Variants in NEDD4L observed in about 807,000 individuals in gnomAD.
NEDD4L encodes the protein NEDD4 like E3 ubiquitin protein ligase.
In NEDD4L, 54 loss-of-function variants were observed where a neutral mutation model predicts 148.9. That is an observed-to-expected ratio of 0.36 (90% CI 0.29 to 0.45). The LOEUF is 0.45. Ranked by LOEUF, NEDD4L falls within the 20% of genes least tolerant of loss-of-function variation. NEDD4L has a pLI of 1.00. For missense variants in NEDD4L, 856 were observed against 1,233.8 expected (o/e 0.69, Z 4.59); for synonymous variants, 433 against 440.7 (o/e 0.98, Z 0.22).
rs73959499 is a variant in NEDD4L at position 58,132,782 on chromosome 18, A to T, written c.49-33006A>T. Among the ~76,000 whole-genome samples the T allele has an allele frequency of 9.3e-3, 1,416 of 152,174 alleles. 24 individuals carry two copies. Among genetic ancestry groups the T allele is most frequent in the African/African-American group, 0.032 (1,319 of 41,500 alleles). On this transcript the variant is annotated intron_variant, in intron 1 of 30. Transcript: ENST00000400345. Reference sequence around the variant, plus strand: ...TTTTTTGTTTTTTTAAGGGGATGAGAGTGTGTGTGATAGAGTTCATGACAA... The same window carrying T: ...TTTTTTGTTTTTTTAAGGGGATGAGTGTGTGTGTGATAGAGTTCATGACAA...
intron 1 of NEDD4L, among the ~76,000 whole-genome samples, chr18:58,114,389 T>G (rs886255816): frequency 2.0e-4 from 31 of 152,018 alleles, no homozygotes; most frequent in African/African-American, 7.5e-4. Flanking sequence ...TACACACATA[T>G]AAAGTAAAAA....
chr18:58,121,106 T>G (rs981877428), intron 1 of NEDD4L, among the ~76,000 whole-genome samples: 1 of 152,174 alleles, frequency 6.6e-6, no homozygotes, highest in Non-Finnish European at 1.5e-5. Context: ...TCTTCTCTTT[T>G]TTTTGGTGGG....
intron 5 of NEDD4L, among the ~76,000 whole-genome samples, chr18:58,292,529 C>T (rs1453793444): frequency 2.0e-5 from 3 of 152,204 alleles, no homozygotes; most frequent in Non-Finnish European, 4.4e-5. Flanking sequence ...GTCATGATCT[C>T]GCTCCTCTAC....
At chr18:58,163,336 A>G (rs1343261381) in intron 1 of NEDD4L, among the ~76,000 whole-genome samples, 1 of 152,212 alleles carries the variant, frequency 6.6e-6, no homozygotes, top group Non-Finnish European at 1.5e-5. Context: ...TTGTTGTGAG[A>G]ACCAGAAAAG....
chr18:58,290,912 C>T (rs2054621845), intron 5 of NEDD4L, among the ~76,000 whole-genome samples: 1 of 152,202 alleles, frequency 6.6e-6, no homozygotes, highest in Non-Finnish European at 1.5e-5. Context: ...ATCTTAGTGG[C>T]TTAACACATT....
At chr18:58,219,619 A>AT (rs2147897328) in intron 2 of NEDD4L, among the ~76,000 whole-genome samples, 1 of 114,016 alleles carries the variant, frequency 8.8e-6, no homozygotes, top group South Asian at 2.8e-4. Flanking sequence ...TTCCCAGGTC[A>AT]TTTGTGTACC....
At chr18:58,348,555 C>T (rs2043431942) in intron 16 of NEDD4L, among the ~76,000 whole-genome samples, 1 of 152,036 alleles carries the variant, frequency 6.6e-6, no homozygotes, top group African/African-American at 2.4e-5. Context: ...TCTCAAACTC[C>T]TGACCTCCTC....
chr18:58,132,839 T>A (rs2032344973), intron 1 of NEDD4L, among the ~76,000 whole-genome samples: 1 of 152,158 alleles, frequency 6.6e-6, no homozygotes, highest in Admixed American at 6.5e-5. Flanking sequence ...CAAAACAAAG[T>A]TCAAATGCAA....
chr18:58,292,092 C>A (rs2054839091), intron 5 of NEDD4L, among the ~76,000 whole-genome samples: 1 of 152,128 alleles, frequency 6.6e-6, no homozygotes, highest in African/African-American at 2.4e-5. Flanking sequence ...CCCTAAAGGA[C>A]AGAGCGAGCA....
intron 1 of NEDD4L, among the ~76,000 whole-genome samples, chr18:58,122,959 C>T (rs1374620693): frequency 6.6e-6 from 1 of 152,166 alleles, no homozygotes; most frequent in East Asian, 1.9e-4. Context: ...TCTCGAACTC[C>T]TGACCTCAAG....
chr18:58,343,915 C>T (rs9948501), intron 16 of NEDD4L, among the ~76,000 whole-genome samples: 120,647 of 152,130 alleles, frequency 0.79, 48,113 homozygotes, highest in East Asian at 0.96. Flanking sequence ...ACACTGAAAC[C>T]GGTTCCCGTA....
intron 24 of NEDD4L, among the ~76,000 whole-genome samples, chr18:58,381,334 A>G (rs1264733380): frequency 1.3e-5 from 2 of 152,180 alleles, no homozygotes; most frequent in African/African-American, 4.8e-5. Context: ...TGGAGGAAGC[A>G]GAGTGTTTTC....
At chr18:58,389,062 C>G in intron 27 of NEDD4L, 23 bp from the exon 28 acceptor site, 1 of 1,594,008 alleles carries the variant, frequency 6.3e-7, no homozygotes, top group African/African-American at 1.3e-5. Flanking sequence ...CCTGCTTTTA[C>G]ATCTGGTAAA....
intron 1 of NEDD4L, chr18:58,045,087 T>C: frequency 2.5e-6 from 1 of 402,964 alleles, no homozygotes; most frequent in Non-Finnish European, 4.4e-6. Flanking sequence ...GAGTCCATGA[T>C]GCATGTCACG....
intron 19 of NEDD4L, among the ~76,000 whole-genome samples, chr18:58,360,875 T>G (rs1601691997): frequency 6.6e-6 from 1 of 152,170 alleles, no homozygotes; most frequent in Non-Finnish European, 1.5e-5. Context: ...ACTTCTTAGC[T>G]TGGGTTCATG....
chr18:58,251,763 A>C (rs539312185), intron 4 of NEDD4L, among the ~76,000 whole-genome samples: 1 of 152,220 alleles, frequency 6.6e-6, no homozygotes, highest in African/African-American at 2.4e-5. Flanking sequence ...ATTTTAGAAA[A>C]ACAGCTAAGA....
At chr18:58,276,212 T>TTGGGGG (rs1555782967) in intron 5 of NEDD4L, among the ~76,000 whole-genome samples, 8 of 103,402 alleles carry the variant, frequency 7.7e-5, no homozygotes, top group African/African-American at 1.8e-4. Context: ...TTTTTTTTTT[T>TTGGGGG]GGGTGGGGAG....
chr18:58,212,384 C>T (rs565154926), intron 2 of NEDD4L, among the ~76,000 whole-genome samples: 99 of 152,212 alleles, frequency 6.5e-4, no homozygotes, highest in African/African-American at 2.3e-3. Context: ...CTCACGATCA[C>T]GGGTGAAGGT....
At chr18:58,220,155 C>T (rs1010244110) in intron 2 of NEDD4L, among the ~76,000 whole-genome samples, 2 of 152,188 alleles carry the variant, frequency 1.3e-5, no homozygotes, top group Non-Finnish European at 2.9e-5. Flanking sequence ...TGGCTCATGC[C>T]TGTAATCCCA....
Sources: gnomAD v4.1 joint callset for allele counts (sites outside exome capture counted in the v4.1 genomes callset) on GRCh38, gnomAD v4.1.1 for gene constraint, MANE v1.5 for transcripts, NCBI Gene and HGNC (gene_info 2026-07-23, HGNC 2026-07-21) for gene names.